ALDH1A2: variants seen among roughly 807,000 people sequenced by gnomAD.
The protein encoded by ALDH1A2 is retinal dehydrogenase 2.
ALDH1A2 carries 27 observed loss-of-function variants against 60.3 expected under a neutral mutation model. The observed-to-expected ratio is 0.45, with a 90% CI of 0.33 to 0.62. The LOEUF (loss-of-function observed/expected upper bound fraction) is 0.62. ALDH1A2 is among the 20% of genes least tolerant of loss of function. The pLI, the probability that ALDH1A2 is intolerant of heterozygous loss-of-function variation, is 0.02. For synonymous variants in ALDH1A2, 289 were observed against 232.4 expected, an observed-to-expected ratio of 1.24 and a Z score of -2.21; for missense variants, 581 against 643.8, an observed-to-expected ratio of 0.90 and a Z score of 1.06.
chr15:57,995,610 A>G (rs1161687139), intron 4 of ALDH1A2, among the ~76,000 whole-genome samples: 1 of 152,112 alleles, frequency 6.6e-6, no homozygotes, highest in Non-Finnish European at 1.5e-5. Context: ...GTGAGGAGTA[A>G]AAGATATATT....
At chr15:57,979,972 C>T in intron 7 of ALDH1A2, 1 of 350,518 alleles carries the variant, frequency 2.9e-6, no homozygotes, top group Admixed American at 3.1e-5. Context: ...CTGCCGCGTC[C>T]CAGGAGCTGT....
At chr15:58,060,692 T>C (rs1897012932) in intron 1 of ALDH1A2, among the ~76,000 whole-genome samples, 1 of 152,162 alleles carries the variant, frequency 6.6e-6, no homozygotes, top group African/African-American at 2.4e-5. Flanking sequence ...GCTCTGCCAT[T>C]ATAGTCAGAA....
intron 1 of ALDH1A2, among the ~76,000 whole-genome samples, chr15:58,036,437 C>T (rs1467312077): frequency 6.6e-6 from 1 of 151,478 alleles, no homozygotes; most frequent in Admixed American, 6.6e-5. Flanking sequence ...AAATAATAGT[C>T]TAAAGAAATG....
At position 57,954,899 on chromosome 15, in the gene ALDH1A2, T is replaced by G. The variant is rs1342889785; in HGVS notation, c.*298A>C. ...AAAGACATGAAATAATACAGCTCCC[T>G]TATTTCATCCTGTGCTCCAGAAGGA... On this transcript the variant is annotated 3_prime_UTR_variant, in exon 13 of 13. Coordinates refer to ENST00000249750, the MANE Select transcript of ALDH1A2 (RefSeq NM_003888.4). The G allele has an allele frequency of 4.2e-6, 2 of 474,934 alleles. No individual in the cohort carries two copies. The highest frequency in any genetic ancestry group is 3.9e-5 in the African/African-American group (2 of 51,100). The allele number at this position is 474,934 out of a possible 1,614,324, so 29.4% of individuals were successfully genotyped here. A position where few individuals can be genotyped will look rare whatever the true frequency, so the allele number is the denominator to read the frequency against.
chr15:58,001,183 T>C (rs1895255824), intron 4 of ALDH1A2, among the ~76,000 whole-genome samples: 1 of 151,798 alleles, frequency 6.6e-6, no homozygotes, highest in Non-Finnish European at 1.5e-5. Context: ...AGAGAAAATA[T>C]GGCACAGAGA....
rs777839828 is a variant in ALDH1A2, at chr15:57,995,086, T to C, written c.547A>G (p.Ile183Val). Reference protein sequence around the residue: ...RHEPIGVCGQIIPWNFPLLMF... With the variant: ...RHEPIGVCGQVIPWNFPLLMF... ...CGAGGAAATACACTCACTGGGATGA[T>C]CTGTCCACACACTCCAATGGGTTCA... is the stretch of plus-strand genomic sequence containing the variant. The change falls in exon 5 of 13, where the codon ATC becomes GTC. Residue 183 changes from isoleucine (I) to valine (V), a missense_variant. Physicochemically the swap from Ile to Val is conservative, Grantham distance 29. Coordinates refer to ENST00000249750, the MANE Select transcript of ALDH1A2 (RefSeq NM_003888.4). 2 of 1,612,216 alleles carry C rather than the reference T, an allele frequency of 1.2e-6. No homozygotes were observed. Among genetic ancestry groups the C allele is most frequent in the Non-Finnish European group, 8.5e-7 (1 of 1,178,570 alleles).
chr15:58,065,701 G>GCGCGCGGTC lies in ALDH1A2; in HGVS notation c.-60_-52dup. Reference sequence around the variant, plus strand: ...CGCGGCGTGGGGCAGTGCGGGCTGTGCGCGCGGTCCGCGGCCCGGGGGCGC... The same window carrying GCGCGCGGTC: ...CGCGGCGTGGGGCAGTGCGGGCTGTGCGCGCGGTCCGCGCGGTCCGCGGCCCGGGGGCGC... On this transcript the variant is annotated 5_prime_UTR_variant, in exon 1 of 13. Coordinates refer to ENST00000249750, the MANE Select transcript of ALDH1A2 (RefSeq NM_003888.4). The GCGCGCGGTC allele has an allele frequency of 3.0e-6, 4 of 1,344,112 alleles. No homozygotes were observed. Among genetic ancestry groups the GCGCGCGGTC allele is most frequent in the Non-Finnish European group, 4.0e-6 (4 of 996,886 alleles). The allele number at this position is 1,344,112 out of a possible 1,614,324, so 83.3% of individuals were successfully genotyped here.
chr15:57,995,091 C>G lies in ALDH1A2; in HGVS notation c.542G>C (p.Gly181Ala). The change falls in exon 5 of 13, where the codon GGA becomes GCA. Residue 181 changes from glycine to alanine, a missense_variant. Gly to Ala is a moderately conservative substitution (Grantham distance 60, BLOSUM62 0). Transcript: ENST00000249750. ...FTRHEPIGVC[G>A]QIIPWNFPLL... ...AAATACACTCACTGGGATGATCTGT[C>G]CACACACTCCAATGGGTTCATGTCT... The G allele has an allele frequency of 6.2e-7, 1 of 1,612,520 alleles. No individual in the cohort carries two copies. The highest frequency in any genetic ancestry group is 8.5e-7 in the Non-Finnish European group (1 of 1,179,000).
chr15:57,978,941 C>G (rs773319844), intron 7 of ALDH1A2, among the ~76,000 whole-genome samples: 2 of 152,144 alleles, frequency 1.3e-5, no homozygotes, highest in Non-Finnish European at 2.9e-5. Flanking sequence ...GGGGCTGAGG[C>G]AGGAGAATCC....
At chr15:57,999,400 CAAAAG>C (rs2094476081) in intron 4 of ALDH1A2, among the ~76,000 whole-genome samples, 1 of 151,904 alleles carries the variant, frequency 6.6e-6, no homozygotes, top group Non-Finnish European at 1.5e-5. Context: ...AGACACTTCT[CAAAAG>C]AAGACAGTCA....
chr15:58,005,360 T>C (rs1400118328), intron 4 of ALDH1A2, among the ~76,000 whole-genome samples: 1 of 148,786 alleles, frequency 6.7e-6, no homozygotes, highest in African/African-American at 2.5e-5. Flanking sequence ...TTGTTTTTCT[T>C]ACTGTCCTAT....
chr15:57,959,541 G>A (rs1298408222), intron 12 of ALDH1A2, among the ~76,000 whole-genome samples: 2 of 152,154 alleles, frequency 1.3e-5, no homozygotes, highest in South Asian at 4.1e-4. Flanking sequence ...TAATCTGCTT[G>A]ATGAATAATG....
chr15:58,061,610 C>A (rs12911461), intron 1 of ALDH1A2, among the ~76,000 whole-genome samples: 27,138 of 95,904 alleles, frequency 0.28, 3,963 homozygotes, highest in Non-Finnish European at 0.37. Flanking sequence ...AAAAAAAAAA[C>A]AAAAAAAAAA....
At chr15:57,965,317 G>A (rs542860543) in intron 8 of ALDH1A2, among the ~76,000 whole-genome samples, 2 of 152,294 alleles carry the variant, frequency 1.3e-5, no homozygotes, top group African/African-American at 4.8e-5. Context: ...GAAAATGCTG[G>A]CAGGGCTGGT....
rs144417368 is a variant in ALDH1A2 at position 57,954,832 on chromosome 15, G to C, written c.*365C>G. 124 of 312,842 alleles carry C rather than the reference G, an allele frequency of 4.0e-4. No individual in the cohort carries two copies. The highest frequency in any genetic ancestry group is 2.4e-3 in the African/African-American group (113 of 47,310). 19.4% of individuals were successfully genotyped at this position (312,842 alleles called of 1,614,324 possible). A position where few individuals can be genotyped will look rare whatever the true frequency, so the allele number is the denominator to read the frequency against. On this transcript the variant is annotated 3_prime_UTR_variant, in exon 13 of 13. Coordinates refer to ENST00000249750, the MANE Select transcript of ALDH1A2 (RefSeq NM_003888.4). ...GCCTGGAAGGAGGAAAATGAAGACA[G>C]GAGAAAGGTCACCTTTCCTTGAGAG...
In ALDH1A2 at chr15:58,002,817, G is replaced by A. The variant is rs548609703; in HGVS notation, c.494-7678C>T. Among the ~76,000 whole-genome samples the A allele has an allele frequency of 1.3e-4, 19 of 151,948 alleles. No individual in the cohort carries two copies. In the South Asian group the frequency reaches 3.5e-3, roughly 28 times the overall value. On this transcript the variant is annotated intron_variant, in intron 4 of 12. Transcript: ENST00000249750. ...TTCAAGGAGCTGGCAATTCTTTGAT[G>A]ACCACAGTATTAAAAAATGAGATGA...
At chr15:57,991,944 G>A (rs1894908848) in intron 7 of ALDH1A2, among the ~76,000 whole-genome samples, 1 of 152,162 alleles carries the variant, frequency 6.6e-6, no homozygotes, top group Non-Finnish European at 1.5e-5. Flanking sequence ...AAGCTGACTT[G>A]TGACTCTGTA....
At chr15:58,017,972 T>C (rs1895830372) in intron 1 of ALDH1A2, among the ~76,000 whole-genome samples, 1 of 152,190 alleles carries the variant, frequency 6.6e-6, no homozygotes, top group African/African-American at 2.4e-5. Flanking sequence ...ACAACTTTGT[T>C]GGTACATGGA....
intron 7 of ALDH1A2, among the ~76,000 whole-genome samples, chr15:57,981,327 C>A (rs542697797): frequency 6.9e-6 from 1 of 144,242 alleles, no homozygotes; most frequent in African/African-American, 2.8e-5. Context: ...CACACACACA[C>A]AGACACACAC....
Sources: gnomAD v4.1 joint callset for allele counts (sites outside exome capture counted in the v4.1 genomes callset) on GRCh38, gnomAD v4.1.1 for gene constraint, MANE v1.5 for transcripts, NCBI Gene and HGNC (gene_info 2026-07-23, HGNC 2026-07-21) for gene names.